The following MACROD2 variants were observed in gnomAD, a reference collection of about 807,000 sequenced individuals.
MACROD2 encodes the protein mono-ADP ribosylhydrolase 2, also known as ADP-ribose glycohydrolase MACROD2.
MACROD2 carries 36 observed loss-of-function variants against 70.4 expected under a neutral mutation model. The ratio of observed to expected loss-of-function variants is 0.51; its 90% CI spans 0.39 to 0.68. The LOEUF (loss-of-function observed/expected upper bound fraction) is 0.68. Ranked by LOEUF, MACROD2 falls within the 30% of genes least tolerant of loss-of-function variation. The pLI is 0.00. For synonymous variants in MACROD2, 172 were observed against 178.8 expected (o/e 0.96, Z 0.30); for missense variants, 496 against 538.4 (o/e 0.92, Z 0.78).
At chr20:15,469,605 C>T (rs2046938594) in intron 7 of MACROD2, among the ~76,000 whole-genome samples, 1 of 152,072 alleles carries the variant, frequency 6.6e-6, no homozygotes, top group Non-Finnish European at 1.5e-5. Flanking sequence ...AGTAAGGAGA[C>T]CGACTGAGCA....
At chr20:15,175,890 T>C (rs1444828786) in intron 5 of MACROD2, among the ~76,000 whole-genome samples, 1 of 152,144 alleles carries the variant, frequency 6.6e-6, no homozygotes, top group East Asian at 1.9e-4. Flanking sequence ...CCAGTGTTCC[T>C]GGGTGCAACA....
chr20:16,038,064 C>G (rs1170710754), intron 15 of MACROD2, among the ~76,000 whole-genome samples: 2 of 151,160 alleles, frequency 1.3e-5, no homozygotes, highest in African/African-American at 4.9e-5. Flanking sequence ...TTTAACACTT[C>G]AAAGATGTCA....
intron 5 of MACROD2, among the ~76,000 whole-genome samples, chr20:15,026,179 C>T (rs979608090): frequency 4.6e-5 from 7 of 152,090 alleles, no homozygotes; most frequent in African/African-American, 7.2e-5. Context: ...TGAATGTACA[C>T]GAACATATTA....
chr20:16,052,444 A>C lies in MACROD2; in HGVS notation c.*2568A>C, dbSNP rs1343472326. On this transcript the variant is annotated 3_prime_UTR_variant, in exon 18 of 18. Transcript: ENST00000684519. ...ACAGCTATGTGGCATGAAGAGTTAC[A>C]GGAGGGAGGGAGGAAAATAGCCCTA... The C allele has an allele frequency of 6.6e-6, 1 of 152,260 alleles. No homozygotes were observed. Among genetic ancestry groups the C allele is most frequent in the East Asian group, 1.9e-4 (1 of 5,188 alleles). 9.4% of individuals were successfully genotyped at this position (152,260 alleles called of 1,614,324 possible). A position where few individuals can be genotyped will look rare whatever the true frequency, so the allele number is the denominator to read the frequency against.
At chr20:15,832,788 G>T (rs1358552637) in intron 8 of MACROD2, among the ~76,000 whole-genome samples, 5 of 152,172 alleles carry the variant, frequency 3.3e-5, no homozygotes, top group African/African-American at 1.2e-4. Flanking sequence ...CCTGGAACCC[G>T]CATGTTCAAC....
At chr20:15,800,388 T>C (rs907244429) in intron 8 of MACROD2, among the ~76,000 whole-genome samples, 47 of 152,306 alleles carry the variant, frequency 3.1e-4, no homozygotes, top group African/African-American at 1.1e-3. Flanking sequence ...ATTTCCCCTA[T>C]GTTTTCTTCT....
intron 10 of MACROD2, among the ~76,000 whole-genome samples, chr20:15,916,113 T>A (rs2065310721): frequency 6.6e-6 from 1 of 152,192 alleles, no homozygotes; most frequent in Admixed American, 6.5e-5. Flanking sequence ...GATATATCTG[T>A]GTAACATATT....
At chr20:14,622,628 AG>A (rs1983895371) in intron 4 of MACROD2, among the ~76,000 whole-genome samples, 1 of 152,180 alleles carries the variant, frequency 6.6e-6, no homozygotes. Context: ...GAAAGTACTT[AG>A]GTCTACCCTT....
At chr20:14,678,238 T>C (rs1392371226) in intron 4 of MACROD2, among the ~76,000 whole-genome samples, 3 of 152,138 alleles carry the variant, frequency 2.0e-5, no homozygotes, top group African/African-American at 7.2e-5. Flanking sequence ...TTTTATGGAC[T>C]GGATGTAGAA....
At chr20:15,313,808 G>A (rs940364256) in intron 6 of MACROD2, among the ~76,000 whole-genome samples, 3 of 152,072 alleles carry the variant, frequency 2.0e-5, no homozygotes, top group East Asian at 1.9e-4. Context: ...CCTGAATGTG[G>A]CATTTTTCCA....
intron 3 of MACROD2, among the ~76,000 whole-genome samples, chr20:14,181,723 A>G (rs765802620): frequency 1.3e-5 from 2 of 152,146 alleles, no homozygotes; most frequent in Admixed American, 6.5e-5. Context: ...TCAGATAAAT[A>G]TAATGGAAAT....
At chr20:14,062,373 A>G (rs1359912399) in intron 2 of MACROD2, among the ~76,000 whole-genome samples, 2 of 152,184 alleles carry the variant, frequency 1.3e-5, no homozygotes, top group African/African-American at 2.4e-5. Flanking sequence ...ATTAAGCGTC[A>G]TTTATAAAAC....
chr20:15,230,019 A>G lies in MACROD2; in HGVS notation c.498A>G (p.Lys166=), dbSNP rs754855569. ...AGGAAGACCTTGCAAATTGCTATAA[A>G]TCATCTCTGAAGCTCGTGAAAGAAA... The part of the protein sequence containing the change: ...SHKEDLANCY[K]SSLKLVKENN... Residue 166 remains lysine (K), a synonymous_variant, in exon 6 of 18, where the codon AAA becomes AAG. Coordinates refer to ENST00000684519, the MANE Select transcript of MACROD2 (RefSeq NM_001351661.2). 16 of 1,613,642 alleles carry G rather than the reference A, an allele frequency of 9.9e-6. No homozygotes were observed. Among genetic ancestry groups the G allele is most frequent in the Admixed American group, 8.3e-5 (5 of 59,990 alleles).
At chr20:15,557,135 A>G (rs559085962) in intron 8 of MACROD2, among the ~76,000 whole-genome samples, 2 of 151,896 alleles carry the variant, frequency 1.3e-5, no homozygotes, top group African/African-American at 4.8e-5. Flanking sequence ...AGTAAAATTC[A>G]CTTCTCTGCA....
intron 2 of MACROD2, among the ~76,000 whole-genome samples, chr20:14,014,586 G>C (rs1048898335): frequency 6.6e-6 from 1 of 152,074 alleles, no homozygotes; most frequent in African/African-American, 2.4e-5. Context: ...ATAATTTAGA[G>C]GGTATGCAGT....
intron 7 of MACROD2, among the ~76,000 whole-genome samples, chr20:15,440,203 C>G (rs1311844378): frequency 6.6e-6 from 1 of 152,024 alleles, no homozygotes; most frequent in African/African-American, 2.4e-5. Context: ...AATATTTTCC[C>G]TGGAAAAAAA....
intron 6 of MACROD2, among the ~76,000 whole-genome samples, chr20:15,390,204 A>AGGAGGGAT (rs1036249415): frequency 6.6e-6 from 1 of 152,152 alleles, no homozygotes; most frequent in African/African-American, 2.4e-5. Context: ...CACTCGTCCT[A>AGGAGGGAT]GGAGGGATGA....
At chr20:15,568,756 A>T (rs2048341194) in intron 8 of MACROD2, among the ~76,000 whole-genome samples, 1 of 152,198 alleles carries the variant, frequency 6.6e-6, no homozygotes, top group Non-Finnish European at 1.5e-5. Context: ...TCAAACTCAG[A>T]CTTGGGGCTC....
chr20:15,007,555 G>A (rs2075049172), intron 5 of MACROD2, among the ~76,000 whole-genome samples: 1 of 152,158 alleles, frequency 6.6e-6, no homozygotes. Flanking sequence ...CAGGGTTCAG[G>A]TGCAGGAAAC....
Sources: gnomAD v4.1 joint callset for allele counts (sites outside exome capture counted in the v4.1 genomes callset) on GRCh38, gnomAD v4.1.1 for gene constraint, MANE v1.5 for transcripts, NCBI Gene and HGNC (gene_info 2026-07-23, HGNC 2026-07-21) for gene names.